ADAMTS17: variants seen among roughly 807,000 people sequenced by gnomAD.
ADAMTS17 encodes the protein ADAM metallopeptidase with thrombospondin type 1 motif 17.
ADAMTS17 carries 113 observed loss-of-function variants against 141.5 expected under a neutral mutation model. The observed-to-expected ratio is 0.80, with a 90% CI of 0.69 to 0.93. The LOEUF (loss-of-function observed/expected upper bound fraction) is 0.93. Among genes scored for constraint, ADAMTS17 ranks in the 40% least tolerant of loss-of-function variants. ADAMTS17 has a pLI of 0.00. For synonymous variants in ADAMTS17, 768 were observed against 630.6 expected, an observed-to-expected ratio of 1.22 and a Z score of -3.27; for missense variants, 1,659 against 1,517.9, an observed-to-expected ratio of 1.09 and a Z score of -1.54.
chr15:100,073,545 A>AAATGTG (rs1252710235), intron 15 of ADAMTS17, among the ~76,000 whole-genome samples: 1 of 152,118 alleles, frequency 6.6e-6, no homozygotes, highest in African/African-American at 2.4e-5. Context: ...TGGATTAAAA[A>AAATGTG]AATGTGGCAC....
At chr15:100,223,391 C>T (rs2042194880) in intron 7 of ADAMTS17, among the ~76,000 whole-genome samples, 1 of 152,054 alleles carries the variant, frequency 6.6e-6, no homozygotes, top group South Asian at 2.1e-4. Context: ...TGTTTGAGAC[C>T]AGATGCAGCC....
chr15:100,030,103 T>G (rs2727175), intron 18 of ADAMTS17, among the ~76,000 whole-genome samples: 15,611 of 152,188 alleles, frequency 0.1, 2,174 homozygotes, highest in African/African-American at 0.32. Context: ...TTGTCCTCCC[T>G]GACAACTCAC....
intron 14 of ADAMTS17, among the ~76,000 whole-genome samples, chr15:100,108,679 T>G (rs748206170): frequency 4.6e-5 from 7 of 152,190 alleles, no homozygotes; most frequent in Non-Finnish European, 7.3e-5. Flanking sequence ...CAGACATCCT[T>G]TAGGCGCATC....
chr15:100,064,013 G>GC (rs908170726), intron 15 of ADAMTS17, among the ~76,000 whole-genome samples: 40 of 152,120 alleles, frequency 2.6e-4, no homozygotes, highest in Middle Eastern at 3.4e-3. Flanking sequence ...TTCTAACTGG[G>GC]CCCCCCCTTC....
At chr15:100,076,850 A>G (rs2034412645) in intron 15 of ADAMTS17, among the ~76,000 whole-genome samples, 1 of 152,214 alleles carries the variant, frequency 6.6e-6, no homozygotes, top group South Asian at 2.1e-4. Flanking sequence ...GAGTAACTCA[A>G]TATTATATCA....
chr15:100,176,884 AG>A (rs1383420188), intron 8 of ADAMTS17, among the ~76,000 whole-genome samples: 3 of 152,238 alleles, frequency 2.0e-5, no homozygotes, highest in African/African-American at 7.2e-5. Flanking sequence ...TTTTGAAACT[AG>A]CTTTTTAAAA....
At chr15:100,250,979 C>G (rs1485018714) in intron 7 of ADAMTS17, among the ~76,000 whole-genome samples, 1 of 152,148 alleles carries the variant, frequency 6.6e-6, no homozygotes. Flanking sequence ...TTCTGTTCAT[C>G]GAATCATCCC....
intron 7 of ADAMTS17, among the ~76,000 whole-genome samples, chr15:100,252,468 G>A (rs571170216): frequency 7.9e-5 from 12 of 152,302 alleles, no homozygotes; most frequent in Non-Finnish European, 1.6e-4. Flanking sequence ...GAGAGATTAT[G>A]TCTCCACGGG....
intron 13 of ADAMTS17, among the ~76,000 whole-genome samples, chr15:100,112,555 A>G (rs1567194988): frequency 6.6e-6 from 1 of 152,170 alleles, no homozygotes; most frequent in African/African-American, 2.4e-5. Context: ...AATCTCCAGG[A>G]ACAAGACCCC....
chr15:100,012,553 T>C (rs2061207304), intron 18 of ADAMTS17, among the ~76,000 whole-genome samples: 1 of 152,232 alleles, frequency 6.6e-6, no homozygotes, highest in African/African-American at 2.4e-5. Flanking sequence ...CTTGAGTTGA[T>C]TTCTGTTATT....
chr15:100,219,584 C>CT (rs2042069954), intron 7 of ADAMTS17, among the ~76,000 whole-genome samples: 1 of 152,182 alleles, frequency 6.6e-6, no homozygotes, highest in African/African-American at 2.4e-5. Flanking sequence ...TGTTTGATCC[C>CT]AGTTCGAGGC....
At chr15:100,117,134 C>T in intron 12 of ADAMTS17, 121 bp from the exon 13 acceptor site, 2 of 1,162,932 alleles carry the variant, frequency 1.7e-6, no homozygotes, top group Non-Finnish European at 2.5e-6. Context: ...TCCAAAGCCA[C>T]CCCCTCTCTG....
At chr15:100,021,554 G>A (rs748599611) in intron 18 of ADAMTS17, among the ~76,000 whole-genome samples, 6 of 152,096 alleles carry the variant, frequency 3.9e-5, no homozygotes, top group Non-Finnish European at 5.9e-5. Context: ...TGAAACTTTC[G>A]ACGGCTCCCT....
At chr15:100,022,188 C>A (rs1345205835) in intron 18 of ADAMTS17, among the ~76,000 whole-genome samples, 1 of 152,190 alleles carries the variant, frequency 6.6e-6, no homozygotes, top group African/African-American at 2.4e-5. Flanking sequence ...TATGGTCAAT[C>A]TGTTATCACC....
intron 13 of ADAMTS17, among the ~76,000 whole-genome samples, chr15:100,111,644 TTTAA>T (rs2036789097): frequency 6.6e-6 from 1 of 152,266 alleles, no homozygotes; most frequent in Non-Finnish European, 1.5e-5. Context: ...GAAACTGGAT[TTTAA>T]TTACCTTTAG....
At chr15:100,283,882 G>C (rs531113133) in intron 3 of ADAMTS17, among the ~76,000 whole-genome samples, 21 of 152,298 alleles carry the variant, frequency 1.4e-4, no homozygotes, top group African/African-American at 4.8e-4. Flanking sequence ...AAGGAGGGCA[G>C]ATCACTTGCG....
intron 15 of ADAMTS17, among the ~76,000 whole-genome samples, chr15:100,094,484 A>G (rs1475364351): frequency 6.6e-6 from 1 of 152,254 alleles, no homozygotes; most frequent in Non-Finnish European, 1.5e-5. Flanking sequence ...GAGTCTGGGT[A>G]AAGGAAGACC....
intron 12 of ADAMTS17, among the ~76,000 whole-genome samples, chr15:100,123,916 G>A (rs2037582643): frequency 6.6e-6 from 1 of 152,000 alleles, no homozygotes. Flanking sequence ...GGTGTGATGG[G>A]TTTTTTAATT....
intron 3 of ADAMTS17, among the ~76,000 whole-genome samples, chr15:100,310,671 C>T (rs986892638): frequency 3.9e-5 from 6 of 152,190 alleles, no homozygotes; most frequent in South Asian, 4.1e-4. Context: ...CCACCAAAGC[C>T]GACCACCAGT....
Sources: allele counts gnomAD v4.1 joint callset (sites outside exome capture counted in the v4.1 genomes callset), GRCh38; gene constraint gnomAD v4.1.1; transcripts MANE v1.5; gene names NCBI Gene and HGNC (gene_info 2026-07-23, HGNC 2026-07-21).